The following ZNF692 variants were observed in gnomAD, a reference collection of about 807,000 sequenced individuals.
ZNF692 encodes the protein AICAR responsive element binding protein.
Under a neutral mutation model 49.0 loss-of-function variants are expected in ZNF692, and 41 were observed. The observed-to-expected ratio is 0.84, with a 90% CI of 0.65 to 1.08. ZNF692 has a LOEUF of 1.08. ZNF692 is among the 50% of genes least tolerant of loss of function. ZNF692 has a pLI of 0.00. For missense variants in ZNF692, 662 were observed against 662.2 expected, an observed-to-expected ratio of 1.00 and a Z score of 0.00; for synonymous variants, 288 against 251.5, an observed-to-expected ratio of 1.15 and a Z score of -1.37.
chr1:248,856,618 A>C, intron 4 of ZNF692, 56 bp from the exon 5 acceptor site: 3 of 1,607,730 alleles, frequency 1.9e-6, no homozygotes, highest in Non-Finnish European at 2.6e-6. Flanking sequence ...GGATGAGGAC[A>C]CATAAAGTTC....
chr1:248,858,391 G>A lies in ZNF692; in HGVS notation c.-12-70C>T. 2.6e-6 allele frequency: 4 copies of A among 1,540,772 alleles called. No homozygotes were observed. Among genetic ancestry groups the A allele is most frequent in the Non-Finnish European group, 3.5e-6 (4 of 1,138,620 alleles). On this transcript the variant is annotated intron_variant, in intron 1 of 11. Transcript: ENST00000306601. The surrounding 1 kb of genome is among the most constrained non-coding windows in gnomAD (Gnocchi z 4.3). The stretch of plus-strand genomic sequence containing the variant: ...GGTCGGGGACCCGGCTCCACCTGCC[G>A]TTAGGGCCTCAGTTTCCTCATCAGT...
rs770938875 is a variant in ZNF692 at position 248,854,066 on chromosome 1, G to A, written c.1039-15C>T. On this transcript the variant is annotated splice_polypyrimidine_tract_variant and intron_variant, in intron 9 of 11. Transcript: ENST00000306601. ...TTTTTGTGGTGCTAGAGAAGGAAGT[G>A]GGTGGTAGGGAGAGAAGAGGCAAAA... 4 of 1,603,292 alleles carry A rather than the reference G, an allele frequency of 2.5e-6. No homozygotes were observed. Among genetic ancestry groups the A allele is most frequent in the Non-Finnish European group, 3.4e-6 (4 of 1,170,182 alleles).
rs1660412962 is a variant in ZNF692, at chr1:248,857,812, G to A, written c.211+16C>T. 2 of 1,612,836 alleles carry A rather than the reference G, an allele frequency of 1.2e-6. No homozygotes were observed. On this transcript the variant is annotated intron_variant, in intron 3 of 11. Coordinates refer to ENST00000306601, the MANE Select transcript of ZNF692 (RefSeq NM_017865.4). ...CTCTTCCCTCTGGCTCTCACCCCCT[G>A]CCATCCCCTACCTACCTGCACAGAG...
intron 2 of ZNF692, 38 bp from the exon 3 acceptor site, chr1:248,857,897 G>T: frequency 6.2e-7 from 1 of 1,610,050 alleles, no homozygotes. Flanking sequence ...GACTCAGGTG[G>T]CCAGCCACCC....
chr1:248,852,256 C>T (rs184263347), intron 10 of ZNF692, among the ~76,000 whole-genome samples: 3 of 152,328 alleles, frequency 2.0e-5, no homozygotes, highest in Non-Finnish European at 4.4e-5. Context: ...TCCAACACCC[C>T]CAGCCTACTA....
chr1:248,854,494 G>T, intron 9 of ZNF692: 1 of 139,184 alleles, frequency 7.2e-6, no homozygotes, highest in South Asian at 1.8e-4. Flanking sequence ...CTCCCCAACT[G>T]CTTGCTTTTT....
rs1660238977 is a variant in ZNF692, at chr1:248,856,391, G to A, written c.556C>T (p.Pro186Ser). 2 of 1,612,866 alleles carry A rather than the reference G, an allele frequency of 1.2e-6. No individual in the cohort carries two copies. Among genetic ancestry groups the A allele is most frequent in the African/African-American group, 1.3e-5 (1 of 74,912 alleles). ...TCCTCACCCTCTTCCTCTCCTGGAG[G>A]TGGGAAGGTCTCTGGTGGGGGTCCC... Reference protein sequence around the residue: ...RVGPPPETFPPPGEEEGEEEE... With the variant: ...RVGPPPETFPSPGEEEGEEEE... Residue 186 changes from proline to serine, a missense_variant, in exon 6 of 12, where the codon CCT becomes TCT. By Grantham distance (74) the Pro-to-Ser change is moderately conservative. Coordinates refer to ENST00000306601, the MANE Select transcript of ZNF692 (RefSeq NM_017865.4).
chr1:248,857,590 C>A, intron 3 of ZNF692, 93 bp from the exon 4 acceptor site: 2 of 1,520,900 alleles, frequency 1.3e-6, no homozygotes, highest in East Asian at 4.5e-5. Flanking sequence ...TCCCTCAAAC[C>A]CCAGGGCAAC....
rs1339914883 is a variant in ZNF692, at chr1:248,857,382, C to T, written c.327G>A (p.Gly109=). Residue 109 remains glycine, a synonymous_variant, in exon 4 of 12, where the codon GGG becomes GGA. Coordinates refer to ENST00000306601, the MANE Select transcript of ZNF692 (RefSeq NM_017865.4). The stretch of plus-strand genomic sequence containing the variant: ...GGCCTGCTGAGCACTCCCACACAAG[C>T]CCCCCATCTTGGCCGCCAGGCCCCC... The part of the protein sequence containing the change: ...GLRGPGGQDG[G]LVWECSAGHT... 9 of 1,613,998 alleles carry T rather than the reference C, an allele frequency of 5.6e-6. No homozygotes were observed. Among genetic ancestry groups the T allele is most frequent in the African/African-American group, 1.3e-5 (1 of 74,914 alleles).
chr1:248,856,007 C>T, intron 6 of ZNF692, 61 bp from the exon 7 acceptor site: 4 of 1,519,226 alleles, frequency 2.6e-6, no homozygotes, highest in Non-Finnish European at 3.6e-6. Context: ...CATCCCCTGC[C>T]CGACCCTAGC....
chr1:248,858,662 A>C lies in ZNF692; in HGVS notation c.-13+256T>G. 4 of 1,051,706 alleles carry C rather than the reference A, an allele frequency of 3.8e-6. No individual in the cohort carries two copies. Among genetic ancestry groups the C allele is most frequent in the Non-Finnish European group, 4.3e-6 (3 of 695,942 alleles). The allele number at this position is 1,051,706 out of a possible 1,614,324, so 65.1% of individuals were successfully genotyped here. A position where few individuals can be genotyped will look rare whatever the true frequency, so the allele number is the denominator to read the frequency against. On this transcript the variant is annotated intron_variant, in intron 1 of 11. Coordinates refer to ENST00000306601, the MANE Select transcript of ZNF692 (RefSeq NM_017865.4). The surrounding 1 kb of genome is among the most constrained non-coding windows in gnomAD (Gnocchi z 4.3). The stretch of plus-strand genomic sequence containing the variant: ...GGGCTGGGGGCGGTCCACACATTTC[A>C]TCTTGAATAGGGCAGCGGCCTTTAC...
In ZNF692 at chr1:248,855,795, C is replaced by T; in HGVS notation, c.811G>A (p.Ala271Thr). The T allele has an allele frequency of 6.2e-7, 1 of 1,614,220 alleles. No individual in the cohort carries two copies. The highest frequency in any genetic ancestry group is 1.3e-5 in the African/African-American group (1 of 75,060). Residue 271 changes from alanine to threonine, a missense_variant, in exon 7 of 12, where the codon GCA becomes ACA. Transcript: ENST00000306601. Reference protein sequence around the residue: ...SSLSSRAPPPAEVRVQPQLSR... With the variant: ...SSLSSRAPPPTEVRVQPQLSR... ...AGCTGTGGCTGCACCCTGACTTCTG[C>T]AGGTGGAGGAGCTCTGGAACTCAAT... is the stretch of plus-strand genomic sequence containing the variant.
Position 248,858,005 on chromosome 1 carries a change from C to G in ZNF692, c.179+126G>C. 6.5e-7 allele frequency: 1 copy of G among 1,546,346 alleles called. No individual in the cohort carries two copies. The highest frequency in any genetic ancestry group is 8.7e-7 in the Non-Finnish European group (1 of 1,150,302). On this transcript the variant is annotated intron_variant, in intron 2 of 11. Coordinates refer to ENST00000306601, the MANE Select transcript of ZNF692 (RefSeq NM_017865.4). The surrounding 1 kb of genome is among the most constrained non-coding windows in gnomAD (Gnocchi z 4.3). Reference sequence around the variant, plus strand: ...AGCAGGACCCTCGGAGGCCACAAGTCACACAGGCCGTCCTGGTAAAGTGAG... The same window carrying G: ...AGCAGGACCCTCGGAGGCCACAAGTGACACAGGCCGTCCTGGTAAAGTGAG...
At chr1:248,857,721 C>G (rs1050700315) in intron 3 of ZNF692, 107 bp downstream of exon 3, 3 of 1,524,494 alleles carry the variant, frequency 2.0e-6, no homozygotes, top group African/African-American at 2.8e-5. Context: ...CAACTCACCC[C>G]ACCCTTCCCA....
At chr1:248,856,620 A>G (rs911217694) in intron 4 of ZNF692, 58 bp from the exon 5 acceptor site, 51 of 1,605,442 alleles carry the variant, frequency 3.2e-5, no homozygotes, top group Admixed American at 5.0e-5. Flanking sequence ...ATGAGGACAC[A>G]TAAAGTTCTA....
In ZNF692 at chr1:248,858,338, A is replaced by G. The variant is rs2103070477; in HGVS notation, c.-12-17T>C. The G allele has an allele frequency of 1.3e-6, 2 of 1,532,830 alleles. No individual in the cohort carries two copies. Among genetic ancestry groups the G allele is most frequent in the South Asian group, 2.4e-5 (2 of 82,590 alleles). The allele number at this position is 1,532,830 out of a possible 1,614,324, so 95.0% of individuals were successfully genotyped here. Reference sequence around the variant, plus strand: ...CACCAGAGGCTGGAGGGTGGAAGGGACGTCTTCAGCGCCCTGCCGATCTCG... The same window carrying G: ...CACCAGAGGCTGGAGGGTGGAAGGGGCGTCTTCAGCGCCCTGCCGATCTCG... On this transcript the variant is annotated splice_polypyrimidine_tract_variant and intron_variant, in intron 1 of 11. Transcript: ENST00000306601. The surrounding 1 kb of genome is among the most constrained non-coding windows in gnomAD (Gnocchi z 4.3).
At chr1:248,852,460 G>T (rs1320724342) in intron 10 of ZNF692, among the ~76,000 whole-genome samples, 1 of 152,030 alleles carries the variant, frequency 6.6e-6, no homozygotes, top group African/African-American at 2.4e-5. Context: ...CCCCACTCTA[G>T]CATCAGCAGC....
Position 248,850,233 on chromosome 1 carries a change from G to C in ZNF692, c.1537C>G (p.Pro513Ala). ...GSRPSASPQA[P>A]TLLPQQ The stretch of plus-strand genomic sequence containing the variant: ...GCTCATTGCTGAGGAAGCAGGGTTG[G>C]AGCCTGAGGAGATGCAGAGGGCCTG... Residue 513 changes from proline to alanine, a missense_variant, in exon 12 of 12, where the codon CCA becomes GCA. Transcript: ENST00000306601. 3.2e-6 allele frequency: 5 copies of C among 1,541,200 alleles called. No homozygotes were observed. Among genetic ancestry groups the C allele is most frequent in the Non-Finnish European group, 4.4e-6 (5 of 1,144,096 alleles).
Position 248,855,366 on chromosome 1 carries a change from C to T in ZNF692, c.1038+14G>A, listed in dbSNP as rs1660103273. 1 of 1,613,980 alleles carries T rather than the reference C, an allele frequency of 6.2e-7. No individual in the cohort carries two copies. The highest frequency in any genetic ancestry group is 1.3e-5 in the African/African-American group (1 of 74,912). The stretch of plus-strand genomic sequence containing the variant: ...ACCCCAGCAGCCACACAGGCCCCAA[C>T]CTGTGCCCCTCACATTCAAATACTG... On this transcript the variant is annotated intron_variant, in intron 9 of 11. Transcript: ENST00000306601.
Sources: gnomAD v4.1 joint callset for allele counts (sites outside exome capture counted in the v4.1 genomes callset) on GRCh38, gnomAD v4.1.1 for gene constraint, Gnocchi (gnomAD v3.1) non-coding constraint, MANE v1.5 for transcripts, NCBI Gene and HGNC (gene_info 2026-07-23, HGNC 2026-07-21) for gene names.